PREX2: variants seen among roughly 807,000 people sequenced by gnomAD.
PREX2 encodes the protein phosphatidylinositol 3,4,5-trisphosphate-dependent Rac exchanger 2 protein.
Under a neutral mutation model 203.2 loss-of-function variants are expected in PREX2, and 107 were observed. The observed-to-expected ratio is 0.53, with a 90% confidence interval of 0.45 to 0.62. The LOEUF is 0.62. Among genes scored for constraint, PREX2 ranks in the 20% least tolerant of loss-of-function variants. The probability of loss-of-function intolerance (pLI) is 0.00; values close to 1 mark genes in which losing one functional copy is unlikely to be tolerated. For synonymous variants in PREX2, 672 were observed against 663.6 expected, an observed-to-expected ratio of 1.01 and a Z score of -0.19; for missense variants, 1,777 against 1,955.9, an observed-to-expected ratio of 0.91 and a Z score of 1.72.
chr8:68,144,440 G>A (rs575296507), intron 33 of PREX2, among the ~76,000 whole-genome samples: 64 of 151,982 alleles, frequency 4.2e-4, no homozygotes, highest in African/African-American at 1.4e-3. Flanking sequence ...TTTATTTTGG[G>A]GAGGTGCTAA....
intron 1 of PREX2, among the ~76,000 whole-genome samples, chr8:67,955,799 A>G (rs897612924): frequency 1.3e-5 from 2 of 152,232 alleles, no homozygotes; most frequent in African/African-American, 4.8e-5. Flanking sequence ...TTTTAAGGAT[A>G]GTGCCTCAAT....
At chr8:68,028,466 G>A (rs1807793940) in intron 5 of PREX2, among the ~76,000 whole-genome samples, 1 of 151,950 alleles carries the variant, frequency 6.6e-6, no homozygotes, top group Non-Finnish European at 1.5e-5. Flanking sequence ...AGAAATAAAT[G>A]TTGAATTTGA....
chr8:68,008,696 A>G (rs898248507), intron 1 of PREX2, among the ~76,000 whole-genome samples: 9 of 152,162 alleles, frequency 5.9e-5, no homozygotes, highest in African/African-American at 2.2e-4. Context: ...GAGAGGTGAT[A>G]GAATCATGGG....
chr8:68,050,941 A>G (rs1808511111), intron 8 of PREX2, among the ~76,000 whole-genome samples: 1 of 152,176 alleles, frequency 6.6e-6, no homozygotes, highest in Admixed American at 6.5e-5. Flanking sequence ...GGAAAATAGA[A>G]CGAGTGTTTA....
chr8:67,963,068 A>T (rs1169492493), intron 1 of PREX2, among the ~76,000 whole-genome samples: 1 of 152,154 alleles, frequency 6.6e-6, no homozygotes, highest in Non-Finnish European at 1.5e-5. Context: ...TAAAAGTTTT[A>T]GGTCCAGCTT....
intron 33 of PREX2, among the ~76,000 whole-genome samples, chr8:68,141,564 G>T (rs1172151479): frequency 6.6e-6 from 1 of 152,176 alleles, no homozygotes; most frequent in Non-Finnish European, 1.5e-5. Context: ...AAAAAGGCGA[G>T]GCAGCCCTTC....
At chr8:67,976,068 T>C (rs1563479566) in intron 1 of PREX2, among the ~76,000 whole-genome samples, 3 of 152,056 alleles carry the variant, frequency 2.0e-5, no homozygotes, top group Admixed American at 2.0e-4. Flanking sequence ...TTCTATACTT[T>C]TAGGCTTTTG....
chr8:68,138,629 A>G (rs1811160040), intron 33 of PREX2, 112 bp downstream of exon 33: 1 of 509,676 alleles, frequency 2.0e-6, no homozygotes, highest in Non-Finnish European at 3.5e-6. Context: ...ATTGAAATGT[A>G]TCCTTTTGAT....
chr8:68,169,554 A>G (rs1811833335), intron 35 of PREX2, among the ~76,000 whole-genome samples: 1 of 152,142 alleles, frequency 6.6e-6, no homozygotes, highest in Admixed American at 6.5e-5. Flanking sequence ...AATCAGTCAC[A>G]ATGTTAGGTG....
chr8:68,188,866 TAAAG>T (rs1050933956), intron 35 of PREX2, among the ~76,000 whole-genome samples: 10 of 152,172 alleles, frequency 6.6e-5, no homozygotes, highest in African/African-American at 2.2e-4. Context: ...CAGCCATCCA[TAAAG>T]AAACAAAAAT....
intron 35 of PREX2, among the ~76,000 whole-genome samples, chr8:68,174,820 C>A (rs937653699): frequency 6.6e-6 from 1 of 152,160 alleles, no homozygotes; most frequent in Admixed American, 6.6e-5. Context: ...CAAACCAGGA[C>A]ACAAGATATA....
intron 34 of PREX2, among the ~76,000 whole-genome samples, chr8:68,154,857 T>C (rs566033593): frequency 3.4e-4 from 52 of 152,260 alleles, no homozygotes; most frequent in Admixed American, 1.5e-3. Flanking sequence ...TCCAGATACT[T>C]ATATACCCTT....
chr8:68,105,437 A>G lies in PREX2; in HGVS notation c.2716-2672A>G. 2.5e-6 allele frequency: 3 copies of G among 1,221,646 alleles called. No individual in the cohort carries two copies. The South Asian group carries it at 4.5e-5, about 18-fold the overall frequency. The allele number at this position is 1,221,646 out of a possible 1,614,324, so 75.7% of individuals were successfully genotyped here. Reference sequence around the variant, plus strand: ...CTTCCTAGCATGTGGGCAGGGGGACATCCTGTATTCACAGGCATTTGTATT... The same window carrying G: ...CTTCCTAGCATGTGGGCAGGGGGACGTCCTGTATTCACAGGCATTTGTATT... On this transcript the variant is annotated intron_variant, in intron 23 of 39. Coordinates refer to ENST00000288368, the MANE Select transcript of PREX2 (RefSeq NM_024870.4).
At chr8:68,225,038 T>C (rs1175251479) in intron 39 of PREX2, among the ~76,000 whole-genome samples, 1 of 152,156 alleles carries the variant, frequency 6.6e-6, no homozygotes, top group African/African-American at 2.4e-5. Flanking sequence ...CATTTTCTCC[T>C]TGGAGTCTTG....
At chr8:68,040,158 A>G (rs939588899) in intron 7 of PREX2, among the ~76,000 whole-genome samples, 1 of 152,028 alleles carries the variant, frequency 6.6e-6, no homozygotes, top group Non-Finnish European at 1.5e-5. Flanking sequence ...GCTCCCAAGT[A>G]ATTGGCACTA....
intron 5 of PREX2, among the ~76,000 whole-genome samples, 158 bp from the exon 6 acceptor site, chr8:68,030,339 T>A (rs1195086006): frequency 6.6e-6 from 1 of 152,224 alleles, no homozygotes; most frequent in East Asian, 1.9e-4. Flanking sequence ...ACTTACTCAT[T>A]GATTCAAACT....
At chr8:68,000,520 G>C (rs1378048755) in intron 1 of PREX2, among the ~76,000 whole-genome samples, 9 of 152,114 alleles carry the variant, frequency 5.9e-5, no homozygotes, top group Admixed American at 5.9e-4. Context: ...CGTCCATACT[G>C]CCCAAAACAA....
At chr8:68,156,258 T>C (rs1229797021) in intron 34 of PREX2, among the ~76,000 whole-genome samples, 2 of 152,062 alleles carry the variant, frequency 1.3e-5, no homozygotes, top group African/African-American at 4.8e-5. Context: ...AGAGACAGGG[T>C]CTCGCTATGT....
At chr8:68,038,418 C>A in intron 7 of PREX2, 126 bp downstream of exon 7, 1 of 928,274 alleles carries the variant, frequency 1.1e-6, no homozygotes, top group Non-Finnish European at 1.6e-6. Context: ...CAGAGCCCAT[C>A]ATCCATCAGT....
Sources: gnomAD v4.1 joint callset for allele counts (sites outside exome capture counted in the v4.1 genomes callset) on GRCh38, gnomAD v4.1.1 for gene constraint, MANE v1.5 for transcripts, NCBI Gene and HGNC (gene_info 2026-07-23, HGNC 2026-07-21) for gene names.